The following OR2M2 variants were observed in gnomAD, a reference collection of about 807,000 sequenced individuals.
The protein encoded by OR2M2 is olfactory receptor 2M2.
For missense variants in OR2M2, 467 were observed against 429.9 expected, an observed-to-expected ratio of 1.09 and a Z score of -0.76; for synonymous variants, 168 against 151.7, an observed-to-expected ratio of 1.11 and a Z score of -0.79.
chr1:248,175,778 T>C (rs1281270120), intron 1 of OR2M2, among the ~76,000 whole-genome samples: 40 of 152,190 alleles, frequency 2.6e-4, no homozygotes, highest in Non-Finnish European at 2.9e-5. Flanking sequence ...TCTCTGATCA[T>C]GTGACCTTTC....
intron 1 of OR2M2, among the ~76,000 whole-genome samples, chr1:248,175,510 C>T (rs1665848509): frequency 6.6e-6 from 1 of 152,084 alleles, no homozygotes; most frequent in Admixed American, 6.6e-5. Flanking sequence ...TCATTATCTA[C>T]ATGCAGATAT....
At chr1:248,175,699 T>C (rs909431542) in intron 1 of OR2M2, among the ~76,000 whole-genome samples, 2 of 152,154 alleles carry the variant, frequency 1.3e-5, no homozygotes, top group African/African-American at 4.8e-5. Flanking sequence ...TTACAACAAA[T>C]ATGTTACGTC....
chr1:248,180,674 C>G lies in OR2M2; in HGVS notation c.689C>G (p.Ser230Cys). 6.2e-7 allele frequency: 1 copy of G among 1,612,438 alleles called. No individual in the cohort carries two copies. The highest frequency in any genetic ancestry group is 8.5e-7 in the Non-Finnish European group (1 of 1,179,852). Residue 230 changes from serine to cysteine, a missense_variant, in exon 2 of 2, where the codon TCT becomes TGT. By Grantham distance (112) the Ser-to-Cys change is moderately radical. Transcript: ENST00000641836. ...RVILAVIHMG[S>C]GEGRCKAFTT... The stretch of plus-strand genomic sequence containing the variant: ...ATTCTGGCTGTCATTCACATGGGAT[C>G]TGGAGAGGGTCGTTGCAAAGCTTTC...
intron 1 of OR2M2, among the ~76,000 whole-genome samples, chr1:248,178,981 A>G (rs1359656049): frequency 6.6e-6 from 1 of 152,194 alleles, no homozygotes; most frequent in Non-Finnish European, 1.5e-5. Flanking sequence ...CAAACTGATT[A>G]CCTTGAAACA....
rs556368106 is a variant in OR2M2 at position 248,176,865 on chromosome 1, G to A, written c.-19+1994G>A. Among the ~76,000 whole-genome samples, 91 of 152,142 alleles carry A rather than the reference G, an allele frequency of 6.0e-4. 1 individual carries two copies. Among genetic ancestry groups the A allele is most frequent in the Admixed American group, 9.2e-4 (14 of 15,278 alleles). On this transcript the variant is annotated intron_variant, in intron 1 of 1. Coordinates refer to ENST00000641836, the MANE Select transcript of OR2M2 (RefSeq NM_001004688.2). ...TAGTGCCTAAAGATAAGTACAATCTGTCACATGTATCTTAGAAGAAATATC... is the reference window on the plus strand; with the variant it reads ...TAGTGCCTAAAGATAAGTACAATCTATCACATGTATCTTAGAAGAAATATC...
rs1665904662 is a variant in OR2M2, at chr1:248,179,914, A to T, written c.-18-54A>T. On this transcript the variant is annotated intron_variant, in intron 1 of 1. Transcript: ENST00000641836. Reference sequence around the variant, plus strand: ...AGAATTTACCAAAATCACACGATTTATAAGACACTGGGTAAATGTTTACCA... The same window carrying T: ...AGAATTTACCAAAATCACACGATTTTTAAGACACTGGGTAAATGTTTACCA... 1.6e-5 allele frequency: 24 copies of T among 1,508,864 alleles called. No individual in the cohort carries two copies. The South Asian group carries it at 2.7e-4, about 17-fold the overall frequency. The allele number at this position is 1,508,864 out of a possible 1,614,324, so 93.5% of individuals were successfully genotyped here.
intron 1 of OR2M2, among the ~76,000 whole-genome samples, chr1:248,176,044 G>A (rs1277457581): frequency 6.6e-6 from 1 of 152,078 alleles, no homozygotes; most frequent in Non-Finnish European, 1.5e-5. Context: ...GCAAATATGA[G>A]AGATGTGCTT....
chr1:248,176,099 T>G (rs1461442042), intron 1 of OR2M2, among the ~76,000 whole-genome samples: 1 of 152,164 alleles, frequency 6.6e-6, no homozygotes, highest in African/African-American at 2.4e-5. Context: ...AAAGTCATTT[T>G]AGCAACCTCA....
chr1:248,179,688 T>C (rs1039300682), intron 1 of OR2M2, among the ~76,000 whole-genome samples: 5 of 152,220 alleles, frequency 3.3e-5, no homozygotes, highest in African/African-American at 1.2e-4. Flanking sequence ...CATATTCTTT[T>C]TGGAAAACTC....
intron 1 of OR2M2, 69 bp downstream of exon 1, chr1:248,174,940 G>A (rs936154884): frequency 2.0e-5 from 3 of 152,214 alleles, no homozygotes; most frequent in African/African-American, 7.2e-5. Flanking sequence ...ACATGGTGAT[G>A]ATTGATTTCA....
intron 1 of OR2M2, among the ~76,000 whole-genome samples, chr1:248,178,178 T>G (rs1376456912): frequency 6.6e-6 from 1 of 152,182 alleles, no homozygotes; most frequent in Non-Finnish European, 1.5e-5. Context: ...GGACAAATTC[T>G]AGATTCCATC....
In OR2M2 at chr1:248,180,953, T is replaced by C; in HGVS notation, c.968T>C (p.Phe323Ser). Residue 323 changes from phenylalanine to serine, a missense_variant, in exon 2 of 2, where the codon TTT (phenylalanine) becomes TCT (serine). Transcript: ENST00000641836. ...ELPHKLYVLL[F>S]AKFFFLISIF... ...CCTCATAAACTTTATGTTTTGCTGT[T>C]TGCTAAATTCTTCTTTCTAATATCC... The C allele has an allele frequency of 6.2e-7, 1 of 1,614,090 alleles. No homozygotes were observed. The highest frequency in any genetic ancestry group is 1.1e-5 in the South Asian group (1 of 91,080).
In OR2M2 at chr1:248,180,014, C is replaced by A. The variant is rs756316643; in HGVS notation, c.29C>A (p.Ser10Tyr). ...GCATGGGAGAATCAGACCTTCAACT[C>A]CGACTTCATCCTCCTTGGAATCTTC... Reference protein sequence around the residue: MAWENQTFNSDFILLGIFNH... With the variant: MAWENQTFNYDFILLGIFNH... Residue 10 changes from serine (S) to tyrosine (Y), a missense_variant, in exon 2 of 2, where the codon TCC (serine) becomes TAC (tyrosine). Coordinates refer to ENST00000641836, the MANE Select transcript of OR2M2 (RefSeq NM_001004688.2). 1 of 1,613,572 alleles carries A rather than the reference C, an allele frequency of 6.2e-7. No homozygotes were observed.
intron 1 of OR2M2, among the ~76,000 whole-genome samples, chr1:248,176,955 A>T (rs1247276318): frequency 2.0e-5 from 3 of 152,110 alleles, no homozygotes; most frequent in Admixed American, 6.6e-5. Flanking sequence ...GTTCATACAG[A>T]TCTTAACATA....
chr1:248,177,472 A>G (rs1665868192), intron 1 of OR2M2, among the ~76,000 whole-genome samples: 1 of 152,100 alleles, frequency 6.6e-6, no homozygotes. Context: ...ATTATGGTGG[A>G]AATTTAAGAT....
In OR2M2 at chr1:248,179,232, C is replaced by T. The variant is rs145917728; in HGVS notation, c.-18-736C>T. The stretch of plus-strand genomic sequence containing the variant: ...TCACATGGCCACTGTCTTATCAGAA[C>T]GTGAGTCATATTGCATTAGAGAGAC... On this transcript the variant is annotated intron_variant, in intron 1 of 1. Transcript: ENST00000641836. Among the ~76,000 whole-genome samples, 18 of 152,256 alleles carry T rather than the reference C, an allele frequency of 1.2e-4. No homozygotes were observed. In the East Asian group the frequency reaches 3.5e-3, roughly 29 times the overall value.
chr1:248,180,713 C>T lies in OR2M2; in HGVS notation c.728C>T (p.Ser243Phe). 1 of 1,613,332 alleles carries T rather than the reference C, an allele frequency of 6.2e-7. No homozygotes were observed. Among genetic ancestry groups the T allele is most frequent in the Non-Finnish European group, 8.5e-7 (1 of 1,179,864 alleles). The stretch of plus-strand genomic sequence containing the variant: ...TGCAAAGCTTTCACGACCTGTTCCT[C>T]TCACCTCATGGTGGTGGGAATGTAC... ...GRCKAFTTCSSHLMVVGMYYG... is the reference protein window; with the variant it reads ...GRCKAFTTCSFHLMVVGMYYG... The change falls in exon 2 of 2, where the codon TCT (serine) becomes TTT (phenylalanine). Residue 243 changes from serine to phenylalanine, a missense_variant. By Grantham distance (155) the Ser-to-Phe change is radical (BLOSUM62 -2). Coordinates refer to ENST00000641836, the MANE Select transcript of OR2M2 (RefSeq NM_001004688.2).
Position 248,180,561 on chromosome 1 carries a change from A to G in OR2M2, c.576A>G (p.Thr192=), listed in dbSNP as rs1279098264. The part of the protein sequence containing the change: ...PSLLILSCND[T]SIFEEVIFIC... ...TACTAATCCTCTCATGCAATGACACATCAATATTTGAAGAGGTTATTTTCA... is the reference window on the plus strand; with the variant it reads ...TACTAATCCTCTCATGCAATGACACGTCAATATTTGAAGAGGTTATTTTCA... The change falls in exon 2 of 2, where the codon ACA becomes ACG. Residue 192 remains threonine, a synonymous_variant. Coordinates refer to ENST00000641836, the MANE Select transcript of OR2M2 (RefSeq NM_001004688.2). 1.9e-6 allele frequency: 3 copies of G among 1,613,706 alleles called. No individual in the cohort carries two copies. The highest frequency in any genetic ancestry group is 2.2e-5 in the South Asian group (2 of 91,072).
chr1:248,179,245 G>C (rs1347607096), intron 1 of OR2M2, among the ~76,000 whole-genome samples: 1 of 152,088 alleles, frequency 6.6e-6, no homozygotes, highest in African/African-American at 2.4e-5. Flanking sequence ...GAGTCATATT[G>C]CATTAGAGAG....
Sources: gnomAD v4.1 joint callset for allele counts (sites outside exome capture counted in the v4.1 genomes callset) on GRCh38, gnomAD v4.1.1 for gene constraint, MANE v1.5 for transcripts, NCBI Gene and HGNC (gene_info 2026-07-23, HGNC 2026-07-21) for gene names.